Variants in ITPKB observed in about 807,000 individuals in gnomAD.
The protein encoded by ITPKB is IP3 3-kinase B.
Under a neutral mutation model 69.4 loss-of-function variants are expected in ITPKB, and 13 were observed. The observed-to-expected ratio is 0.19, with a 90% CI of 0.12 to 0.30. ITPKB has a LOEUF of 0.30. Ranked by LOEUF, ITPKB falls within the 10% of genes least tolerant of loss-of-function variation. The probability of loss-of-function intolerance (pLI) is 1.00; values close to 1 mark genes in which losing one functional copy is unlikely to be tolerated. For missense variants in ITPKB, 1,240 were observed against 1,250.5 expected, an observed-to-expected ratio of 0.99 and a Z score of 0.13; for synonymous variants, 584 against 513.7, an observed-to-expected ratio of 1.14 and a Z score of -1.85.
At chr1:226,657,550 C>T (rs577974670) in intron 2 of ITPKB, among the ~76,000 whole-genome samples, 2 of 152,122 alleles carry the variant, frequency 1.3e-5, no homozygotes, top group South Asian at 4.1e-4. Context: ...GGAAATGATC[C>T]CTGGACCCTC....
chr1:226,691,024 A>T (rs762322564), intron 2 of ITPKB, among the ~76,000 whole-genome samples: 1 of 152,182 alleles, frequency 6.6e-6, no homozygotes, highest in Non-Finnish European at 1.5e-5. Flanking sequence ...GCAAATTCAC[A>T]AAGACAGAAA....
chr1:226,651,899 C>T (rs1669201403), intron 2 of ITPKB, among the ~76,000 whole-genome samples: 2 of 152,212 alleles, frequency 1.3e-5, no homozygotes, highest in East Asian at 1.9e-4. Flanking sequence ...CTGCCCACAC[C>T]TCCTCCATTT....
chr1:226,660,029 G>A (rs1669371433), intron 2 of ITPKB, among the ~76,000 whole-genome samples: 1 of 152,196 alleles, frequency 6.6e-6, no homozygotes, highest in South Asian at 2.1e-4. Context: ...ACTTCTCCAA[G>A]TAACAAGAGG....
intron 2 of ITPKB, among the ~76,000 whole-genome samples, chr1:226,669,904 C>G (rs1669579443): frequency 6.7e-6 from 1 of 149,910 alleles, no homozygotes; most frequent in East Asian, 1.9e-4. Flanking sequence ...GATGTTGTCT[C>G]GAACTGTCGC....
chr1:226,679,207 G>C (rs1656007845), intron 2 of ITPKB, among the ~76,000 whole-genome samples: 1 of 152,198 alleles, frequency 6.6e-6, no homozygotes, highest in African/African-American at 2.4e-5. Flanking sequence ...TCTGTAAAAA[G>C]GAATTAAAAT....
intron 2 of ITPKB, among the ~76,000 whole-genome samples, chr1:226,652,898 C>T (rs889054792): frequency 2.6e-5 from 4 of 152,180 alleles, no homozygotes; most frequent in Admixed American, 6.5e-5. Context: ...GATGTGGGGT[C>T]GGCCTAGCCA....
intron 2 of ITPKB, chr1:226,676,181 A>C (rs970984987): frequency 6.6e-6 from 1 of 152,212 alleles, no homozygotes; most frequent in African/African-American, 2.4e-5. Flanking sequence ...CCATCACCTA[A>C]GCCACAATTA....
rs919797481 is a variant in ITPKB at position 226,738,604 on chromosome 1, G to T, written c.-206+437C>A. On this transcript the variant is annotated intron_variant, in intron 1 of 7. Coordinates refer to ENST00000429204, the MANE Select transcript of ITPKB (RefSeq NM_002221.4). The surrounding 1 kb of genome is among the most constrained non-coding windows in gnomAD (Gnocchi z 4.2). Reference sequence around the variant, plus strand: ...CCCACTCGGAGGAACTTAGGGGCGTGCATGGCTGCAGCCGGGCAGCAGCCC... The same window carrying T: ...CCCACTCGGAGGAACTTAGGGGCGTTCATGGCTGCAGCCGGGCAGCAGCCC... Among the ~76,000 whole-genome samples the T allele has an allele frequency of 9.2e-5, 14 of 152,176 alleles. No homozygotes were observed. The highest frequency in any genetic ancestry group is 2.1e-4 in the South Asian group (1 of 4,836).
chr1:226,709,962 T>C lies in ITPKB; in HGVS notation c.1932+25565A>G, dbSNP rs76788055. Among the ~76,000 whole-genome samples the C allele has an allele frequency of 4.9e-3, 743 of 152,308 alleles. 17 individuals are homozygous for C. In the East Asian group the frequency reaches 0.054, roughly 11 times the overall value. On this transcript the variant is annotated intron_variant, in intron 2 of 7. Transcript: ENST00000429204. ...TCTAGTATCCTGACAGCATCCTGCC[T>C]GGGGCCAGCACTAGCTCATAACTAC...
rs111744667 is a variant in ITPKB at position 226,736,427 on chromosome 1, C to T, written c.1032G>A (p.Glu344=). ...EDLQPPEALV[E]RQGQFLGSET... is the part of the protein sequence containing the mutation. ...CACTGCCCAGAAACTGCCCCTGCCTCTCCACCAGGGCCTCTGGGGGCTGCA... is the reference window on the plus strand; with the variant it reads ...CACTGCCCAGAAACTGCCCCTGCCTTTCCACCAGGGCCTCTGGGGGCTGCA... Residue 344 remains glutamate, a synonymous_variant, in exon 2 of 8, where the codon GAG becomes GAA. Transcript: ENST00000429204. 7.4e-6 allele frequency: 12 copies of T among 1,613,032 alleles called. No homozygotes were observed. Among genetic ancestry groups the T allele is most frequent in the African/African-American group, 6.7e-5 (5 of 74,954 alleles).
intron 2 of ITPKB, among the ~76,000 whole-genome samples, chr1:226,724,832 C>T (rs1164905133): frequency 1.3e-5 from 2 of 152,198 alleles, no homozygotes; most frequent in Non-Finnish European, 1.5e-5. Flanking sequence ...CTGGGCTCTG[C>T]ACCGTGCAAC....
At chr1:226,727,721 A>AC (rs1211308852) in intron 2 of ITPKB, among the ~76,000 whole-genome samples, 1 of 151,978 alleles carries the variant, frequency 6.6e-6, no homozygotes, top group African/African-American at 2.4e-5. Context: ...CCTCGTTTGC[A>AC]CCCCCACCCC....
At chr1:226,691,144 T>C (rs1350591684) in intron 2 of ITPKB, among the ~76,000 whole-genome samples, 2 of 152,124 alleles carry the variant, frequency 1.3e-5, no homozygotes. Flanking sequence ...TGGTGATGGC[T>C]GCGTGACAGT....
At chr1:226,722,646 T>C (rs1044391315) in intron 2 of ITPKB, among the ~76,000 whole-genome samples, 2 of 151,966 alleles carry the variant, frequency 1.3e-5, no homozygotes, top group East Asian at 3.9e-4. Flanking sequence ...ACCCCTGAGG[T>C]CAACACTGCC....
intron 2 of ITPKB, chr1:226,675,205 A>ACGACCCAC (rs1269424094): frequency 2.0e-5 from 3 of 151,150 alleles, no homozygotes; most frequent in East Asian, 3.9e-4. Flanking sequence ...GGTGTTTACC[A>ACGACCCAC]CGACCCACCG....
At chr1:226,685,766 C>T (rs1656194603) in intron 2 of ITPKB, among the ~76,000 whole-genome samples, 2 of 152,228 alleles carry the variant, frequency 1.3e-5, no homozygotes, top group South Asian at 2.1e-4. Flanking sequence ...AAAATGGACA[C>T]ATGAGTTAAC....
chr1:226,725,262 C>A (rs936387967), intron 2 of ITPKB, among the ~76,000 whole-genome samples: 1 of 152,208 alleles, frequency 6.6e-6, no homozygotes, highest in African/African-American at 2.4e-5. Flanking sequence ...TTCTTCTCAG[C>A]ACAGGTGTCT....
At chr1:226,732,783 T>C (rs1015865466) in intron 2 of ITPKB, among the ~76,000 whole-genome samples, 2 of 152,132 alleles carry the variant, frequency 1.3e-5, no homozygotes, top group Admixed American at 6.5e-5. Flanking sequence ...TTTGATTTTG[T>C]TCAGATCTCA....
At chr1:226,737,823 A>T (rs1657853099) in intron 1 of ITPKB, among the ~76,000 whole-genome samples, 160 bp from the exon 2 acceptor site, 1 of 151,980 alleles carries the variant, frequency 6.6e-6, no homozygotes, top group African/African-American at 2.4e-5. Flanking sequence ...CGGCGAGGGC[A>T]TGCCCCGGCT....
Sources: gnomAD v4.1 joint callset for allele counts (sites outside exome capture counted in the v4.1 genomes callset) on GRCh38, gnomAD v4.1.1 for gene constraint, Gnocchi (gnomAD v3.1) non-coding constraint, MANE v1.5 for transcripts, NCBI Gene and HGNC (gene_info 2026-07-23, HGNC 2026-07-21) for gene names.